RTN1: variants seen among roughly 807,000 people sequenced by gnomAD.
RTN1 encodes the protein reticulon 1, also known as reticulon-1.
A neutral mutation model predicts 65.5 loss-of-function variants in RTN1; 25 were observed. That is an observed-to-expected ratio of 0.38 (90% confidence interval 0.28 to 0.53). RTN1 has a LOEUF of 0.53. Ranked by LOEUF, RTN1 falls within the 20% of genes least tolerant of loss-of-function variation. The pLI is 0.79. For synonymous variants in RTN1, 471 were observed against 447.6 expected (o/e 1.05, Z -0.66); for missense variants, 983 against 1,025.4 (o/e 0.96, Z 0.57).
intron 3 of RTN1, among the ~76,000 whole-genome samples, chr14:59,657,651 T>C (rs1364700784): frequency 6.6e-6 from 1 of 152,008 alleles, no homozygotes; most frequent in Non-Finnish European, 1.5e-5. Context: ...GTCAGGGAAC[T>C]CCCTCCCCTA....
intron 1 of RTN1, among the ~76,000 whole-genome samples, chr14:59,855,578 T>C (rs1887589490): frequency 6.6e-6 from 1 of 152,236 alleles, no homozygotes; most frequent in African/African-American, 2.4e-5. Flanking sequence ...TCTGTGTTAA[T>C]ATGGTGTCGA....
intron 8 of RTN1, among the ~76,000 whole-genome samples, chr14:59,598,434 T>C (rs934830916): frequency 1.3e-5 from 2 of 152,188 alleles, no homozygotes; most frequent in African/African-American, 4.8e-5. Flanking sequence ...TCAGACACTT[T>C]AGAGAAACCT....
At chr14:59,767,541 T>C (rs894894780) in intron 1 of RTN1, among the ~76,000 whole-genome samples, 1 of 152,196 alleles carries the variant, frequency 6.6e-6, no homozygotes, top group Non-Finnish European at 1.5e-5. Context: ...GCTTAGCCTA[T>C]ACCCTAACCA....
At position 59,742,578 on chromosome 14, in the gene RTN1, C is replaced by T. The variant is rs143486126; in HGVS notation, c.1015+3130G>A. 3.7e-3 allele frequency among the ~76,000 whole-genome samples: 559 copies of T among 152,296 alleles called. 2 individuals are homozygous for T. Among genetic ancestry groups the T allele is most frequent in the African/African-American group, 0.013 (528 of 41,564 alleles). On this transcript the variant is annotated intron_variant, in intron 2 of 8. Transcript: ENST00000267484. Reference sequence around the variant, plus strand: ...TTGGGAGAAATATAAATATATTAGACACCTTGCTTAAACATCAGCATCTGT... The same window carrying T: ...TTGGGAGAAATATAAATATATTAGATACCTTGCTTAAACATCAGCATCTGT...
intron 1 of RTN1, among the ~76,000 whole-genome samples, chr14:59,863,401 A>G (rs539421327): frequency 3.3e-5 from 5 of 152,150 alleles, no homozygotes; most frequent in Non-Finnish European, 5.9e-5. Context: ...CTCATTGTCA[A>G]ATCCAGTGGC....
chr14:59,679,884 T>C (rs1883709198), intron 3 of RTN1, among the ~76,000 whole-genome samples: 2 of 152,202 alleles, frequency 1.3e-5, no homozygotes, highest in South Asian at 2.1e-4. Flanking sequence ...ATCTTAGGTC[T>C]AACAGGTTGG....
At chr14:59,834,201 T>C (rs1262048712) in intron 1 of RTN1, among the ~76,000 whole-genome samples, 2 of 152,076 alleles carry the variant, frequency 1.3e-5, no homozygotes, top group Non-Finnish European at 2.9e-5. Context: ...ACACATCATA[T>C]ACAAAAATTA....
intron 1 of RTN1, among the ~76,000 whole-genome samples, chr14:59,760,166 G>A (rs1211797737): frequency 6.6e-6 from 1 of 152,298 alleles, no homozygotes; most frequent in Admixed American, 6.5e-5. Flanking sequence ...CTGTACAAGA[G>A]TGAAGACAAT....
intron 1 of RTN1, among the ~76,000 whole-genome samples, chr14:59,821,671 A>G (rs1411320154): frequency 2.6e-5 from 4 of 152,164 alleles, no homozygotes; most frequent in Non-Finnish European, 4.4e-5. Context: ...GGCTCTTACT[A>G]TCTTGAGGTA....
At chr14:59,856,180 TC>T (rs1887604605) in intron 1 of RTN1, among the ~76,000 whole-genome samples, 1 of 152,210 alleles carries the variant, frequency 6.6e-6, no homozygotes, top group East Asian at 1.9e-4. Flanking sequence ...CCTTTCAGAG[TC>T]CCTTTCTATT....
At chr14:59,855,538 C>A (rs1432424543) in intron 1 of RTN1, among the ~76,000 whole-genome samples, 1 of 152,142 alleles carries the variant, frequency 6.6e-6, no homozygotes, top group Non-Finnish European at 1.5e-5. Flanking sequence ...GTGATGGCTA[C>A]ATTAAAATCC....
chr14:59,605,596 C>G (rs1881717228), intron 4 of RTN1, 90 bp from the exon 5 acceptor site: 1 of 1,413,484 alleles, frequency 7.1e-7, no homozygotes. Flanking sequence ...CGTTCCTACT[C>G]TCACTCTGAG....
At chr14:59,789,163 A>AT (rs1426890134) in intron 1 of RTN1, among the ~76,000 whole-genome samples, 7 of 150,686 alleles carry the variant, frequency 4.6e-5, no homozygotes, top group Admixed American at 2.0e-4. Flanking sequence ...TATTCTTTTG[A>AT]TTTTTTTTAG....
At chr14:59,783,064 G>T (rs1375839760) in intron 1 of RTN1, among the ~76,000 whole-genome samples, 1 of 152,142 alleles carries the variant, frequency 6.6e-6, no homozygotes, top group Non-Finnish European at 1.5e-5. Context: ...CAATCAATCT[G>T]ATTTTACAGA....
At position 59,745,740 on chromosome 14, in the gene RTN1, G is replaced by A; in HGVS notation, c.983C>T (p.Pro328Leu). The A allele has an allele frequency of 6.2e-7, 1 of 1,613,210 alleles. No individual in the cohort carries two copies. The highest frequency in any genetic ancestry group is 8.5e-7 in the Non-Finnish European group (1 of 1,179,632). Residue 328 changes from proline (P) to leucine (L), a missense_variant, in exon 2 of 9, where the codon CCA becomes CTA. Pro to Leu is a moderately conservative substitution (Grantham distance 98, BLOSUM62 -3). Transcript: ENST00000267484. Reference sequence around the variant, plus strand: ...AGAAGATGGAGGGGTGATAGATCCTGGGCTGTCGTCTTCAGGCTCCGAGAC... The same window carrying A: ...AGAAGATGGAGGGGTGATAGATCCTAGGCTGTCGTCTTCAGGCTCCGAGAC... ...VTVSEPEDDS[P>L]GSITPPSSGT...
intron 1 of RTN1, among the ~76,000 whole-genome samples, chr14:59,827,414 G>A (rs568150093): frequency 3.4e-4 from 51 of 152,096 alleles, no homozygotes; most frequent in African/African-American, 1.0e-3. Flanking sequence ...TCTTTGCATC[G>A]CTTGGGTTCA....
At position 59,750,116 on chromosome 14, in the gene RTN1, A is replaced by T. The variant is rs1399934495; in HGVS notation, c.242-3635T>A. Among the ~76,000 whole-genome samples the T allele has an allele frequency of 2.1e-3, 178 of 85,772 alleles. 6 individuals carry two copies. The highest frequency in any genetic ancestry group is 4.0e-3 in the African/African-American group (83 of 20,656). The allele number at this position is 85,772 out of a possible 152,430, so 56.3% of individuals were successfully genotyped here. ...ATATTATATATTATATATTATATAT[A>T]ATATATATTATCTATAATATATAAT... On this transcript the variant is annotated intron_variant, in intron 1 of 8. Transcript: ENST00000267484.
chr14:59,845,399 A>T (rs1887390362), intron 1 of RTN1, among the ~76,000 whole-genome samples: 1 of 152,132 alleles, frequency 6.6e-6, no homozygotes. Flanking sequence ...CGGAAACTTA[A>T]ATAATTCTTA....
intron 3 of RTN1, chr14:59,610,016 G>T: frequency 1.4e-6 from 1 of 701,432 alleles, no homozygotes; most frequent in East Asian, 2.6e-5. Flanking sequence ...TTACCCACTT[G>T]TGAGACGTGA....
Sources: gnomAD v4.1 joint callset for allele counts (sites outside exome capture counted in the v4.1 genomes callset) on GRCh38, gnomAD v4.1.1 for gene constraint, MANE v1.5 for transcripts, NCBI Gene and HGNC (gene_info 2026-07-23, HGNC 2026-07-21) for gene names.